Variants in MYO1C observed in about 807,000 individuals in gnomAD.
MYO1C encodes myosin IC, also known as unconventional myosin-Ic.
MYO1C carries 104 observed loss-of-function variants against 150.8 expected under a neutral mutation model. That is an observed-to-expected ratio of 0.69 (90% CI 0.59 to 0.81). The LOEUF (loss-of-function observed/expected upper bound fraction) is 0.81, where lower values mean the gene tolerates loss of function less well. Ranked by LOEUF, MYO1C falls within the 30% of genes least tolerant of loss-of-function variation. The pLI, the probability that MYO1C is intolerant of heterozygous loss-of-function variation, is 0.00. For synonymous variants in MYO1C, 663 were observed against 579.9 expected (o/e 1.14, Z -2.06); for missense variants, 1,504 against 1,435.0 (o/e 1.05, Z -0.78).
chr17:1,468,541 C>T (rs1195632010), intron 25 of MYO1C, 45 bp from the exon 26 acceptor site: 4 of 1,525,222 alleles, frequency 2.6e-6, no homozygotes, highest in African/African-American at 2.8e-5. Context: ...GTGGGGAGCA[C>T]CATCTTGGGG....
chr17:1,491,871 G>A (rs2074739421), intron 1 of MYO1C: 1 of 168,576 alleles, frequency 5.9e-6, no homozygotes, highest in Non-Finnish European at 1.2e-5. Context: ...CGAAGACCCG[G>A]CTCCCCGCCG....
intron 14 of MYO1C, 163 bp downstream of exon 14, chr17:1,477,342 T>A: frequency 1.5e-6 from 1 of 684,774 alleles, no homozygotes; most frequent in East Asian, 2.7e-5. Flanking sequence ...CATGCCTGGC[T>A]AAGCTTCTTA....
intron 17 of MYO1C, 88 bp downstream of exon 17, chr17:1,474,522 A>C: frequency 7.2e-7 from 1 of 1,392,012 alleles, no homozygotes; most frequent in Non-Finnish European, 1.0e-6. Context: ...ACGCGTTCAC[A>C]CGCACGCTGC....
intron 3 of MYO1C, among the ~76,000 whole-genome samples, 166 bp downstream of exon 3, chr17:1,483,444 C>T (rs537262274): frequency 1.1e-4 from 16 of 152,076 alleles, no homozygotes; most frequent in South Asian, 1.0e-3. Flanking sequence ...CCACATGGAG[C>T]TGAGTTGCGA....
intron 5 of MYO1C, among the ~76,000 whole-genome samples, chr17:1,481,881 CCT>C: frequency 6.6e-6 from 1 of 151,792 alleles, no homozygotes; most frequent in East Asian, 1.9e-4. Flanking sequence ...CACCGTTTGG[CCT>C]CTCTCTGTTC....
chr17:1,492,563 A>G lies in MYO1C; in HGVS notation c.-76T>C. 7.2e-7 allele frequency: 1 copy of G among 1,397,602 alleles called. No homozygotes were observed. The highest frequency in any genetic ancestry group is 1.4e-5 in the African/African-American group (1 of 70,016). The allele number at this position is 1,397,602 out of a possible 1,614,324, so 86.6% of individuals were successfully genotyped here. A position where few individuals can be genotyped will look rare whatever the true frequency, so the allele number is the denominator to read the frequency against. ...GCTGCCTGCCCACTGGCGGGCTCCG[A>G]CCACTCCGGGACCAGGAACCTACGG... On this transcript the variant is annotated 5_prime_UTR_variant, in exon 1 of 32. Transcript: ENST00000648651.
intron 17 of MYO1C, among the ~76,000 whole-genome samples, 174 bp downstream of exon 17, chr17:1,474,436 A>C (rs1461420230): frequency 6.6e-6 from 1 of 151,408 alleles, no homozygotes; most frequent in East Asian, 1.9e-4. Flanking sequence ...TCAAAAAAAA[A>C]AAAAAAAAAA....
rs2074435394 is a variant in MYO1C at position 1,478,021 on chromosome 17, C to G, written c.1402-50G>C. 6.2e-7 allele frequency: 1 copy of G among 1,612,028 alleles called. No homozygotes were observed. The highest frequency in any genetic ancestry group is 1.7e-5 in the Admixed American group (1 of 60,006). On this transcript the variant is annotated intron_variant, in intron 12 of 31. Coordinates refer to ENST00000648651, the MANE Select transcript of MYO1C (RefSeq NM_001080779.2). The surrounding 1 kb of genome is among the most constrained non-coding windows in gnomAD (Gnocchi z 6.3). The stretch of plus-strand genomic sequence containing the variant: ...GATCACCGTGGGGTCCTGGCACCCT[C>G]TCCCAGGGGCCCCGATACCCAGGCT...
Position 1,482,893 on chromosome 17 carries a change from C to T in MYO1C, c.514G>A (p.Asp172Asn), listed in dbSNP as rs1396652588. Residue 172 changes from aspartate to asparagine, a missense_variant, in exon 4 of 32, where the codon GAC (aspartate) becomes AAC (asparagine). Asp to Asn is a conservative substitution (Grantham distance 23, BLOSUM62 1). Coordinates refer to ENST00000648651, the MANE Select transcript of MYO1C (RefSeq NM_001080779.2). ...PAPERGGAVR[D>N]RLLQSNPVLE... ...ACCGGGTTGCTCTGTAGCAGCCGGT[C>T]CCGCACGGCACCTCCGCGCTCGGGG... 6.2e-7 allele frequency: 1 copy of T among 1,611,980 alleles called. No individual in the cohort carries two copies. Among genetic ancestry groups the T allele is most frequent in the African/African-American group, 1.3e-5 (1 of 74,938 alleles).
In MYO1C at chr17:1,480,777, C is replaced by T. The variant is rs764604910; in HGVS notation, c.736G>A (p.Gly246Arg). ...NFHIFYQLLE[G>R]GEEETLRRLG... ...CTGCGAAGAGTCTCCTCCTCGCCCC[C>T]CTCCAGCAGCTGGTAGAAGATGTGG... The change falls in exon 6 of 32, where the codon GGG (glycine) becomes AGG (arginine). Residue 246 changes from glycine (G) to arginine (R), a missense_variant. Transcript: ENST00000648651. 23 of 1,614,070 alleles carry T rather than the reference C, an allele frequency of 1.4e-5. No homozygotes were observed. In the East Asian group the frequency reaches 2.7e-4, roughly 19 times the overall value.
intron 17 of MYO1C, among the ~76,000 whole-genome samples, chr17:1,473,327 G>C (rs952280618): frequency 3.9e-5 from 6 of 152,162 alleles, no homozygotes; most frequent in African/African-American, 7.2e-5. Flanking sequence ...TGGGATCTAG[G>C]GTGCCCTGGG....
intron 2 of MYO1C, 78 bp downstream of exon 2, chr17:1,484,070 C>T: frequency 6.4e-7 from 1 of 1,562,824 alleles, no homozygotes; most frequent in Non-Finnish European, 8.7e-7. Flanking sequence ...ATCCCGGTGA[C>T]CCTTGGTGTC....
chr17:1,478,800 G>A lies in MYO1C; in HGVS notation c.1093-65C>T. The A allele has an allele frequency of 1.2e-6, 2 of 1,604,508 alleles. No individual in the cohort carries two copies. Among genetic ancestry groups the A allele is most frequent in the Non-Finnish European group, 1.7e-6 (2 of 1,179,456 alleles). On this transcript the variant is annotated intron_variant, in intron 9 of 31. Coordinates refer to ENST00000648651, the MANE Select transcript of MYO1C (RefSeq NM_001080779.2). This position sits in a 1 kb window ranked among gnomAD's most constrained non-coding sequence, Gnocchi z 6.3. ...AGCCTGTGCATCCCACCTGCTCCCAGGCTCAGGCAGACCAGGAAGCCGCCA... is the reference window on the plus strand; with the variant it reads ...AGCCTGTGCATCCCACCTGCTCCCAAGCTCAGGCAGACCAGGAAGCCGCCA...
chr17:1,476,844 G>T (rs370061157), intron 14 of MYO1C, among the ~76,000 whole-genome samples: 1,672 of 145,254 alleles, frequency 0.012, 42 homozygotes, highest in African/African-American at 0.04. Context: ...CTTGTTTTTT[G>T]TTTTTTTTTT....
At chr17:1,477,359 G>A (rs970387844) in intron 14 of MYO1C, 146 bp downstream of exon 14, 1 of 729,816 alleles carries the variant, frequency 1.4e-6, no homozygotes, top group African/African-American at 1.7e-5. Context: ...CTTAGTTTCT[G>A]GACACATGTG....
Position 1,479,331 on chromosome 17 carries a change from C to A in MYO1C, c.1092+100G>T. ...TCTGAGCAGCCTTCCTTCCATCCCT[C>A]CAGCATTGCTGAGGGAACCAGGCGA... is the stretch of plus-strand genomic sequence containing the variant. On this transcript the variant is annotated intron_variant, in intron 9 of 31. Transcript: ENST00000648651. This position sits in a 1 kb window ranked among gnomAD's most constrained non-coding sequence, Gnocchi z 4.2. 2.6e-6 allele frequency: 2 copies of A among 761,762 alleles called. No individual in the cohort carries two copies. Among genetic ancestry groups the A allele is most frequent in the Non-Finnish European group, 4.5e-6 (2 of 441,894 alleles). 47.2% of individuals were successfully genotyped at this position (761,762 alleles called of 1,614,324 possible).
chr17:1,475,931 C>G (rs540282352), intron 14 of MYO1C, among the ~76,000 whole-genome samples: 1 of 152,196 alleles, frequency 6.6e-6, no homozygotes, highest in Admixed American at 6.5e-5. Flanking sequence ...GATATTTACC[C>G]TGAGCCTTAT....
intron 7 of MYO1C, among the ~76,000 whole-genome samples, 173 bp downstream of exon 7, chr17:1,480,354 A>G (rs1197620087): frequency 6.6e-6 from 1 of 150,904 alleles, no homozygotes; most frequent in African/African-American, 2.4e-5. Flanking sequence ...AGGCTGAGGC[A>G]GGAGAATTGC....
In MYO1C at chr17:1,479,572, C is replaced by T. The variant is rs758716468; in HGVS notation, c.1020+20G>A. The stretch of plus-strand genomic sequence containing the variant: ...CCCGCCCCCGCCGTCCTCCCGTCGC[C>T]CTCTGCCCGCCCCACTCACCCTGGT... On this transcript the variant is annotated intron_variant, in intron 8 of 31. Transcript: ENST00000648651. The surrounding 1 kb of genome is among the most constrained non-coding windows in gnomAD (Gnocchi z 4.2). The T allele has an allele frequency of 1.9e-6, 3 of 1,589,690 alleles. No individual in the cohort carries two copies. Among genetic ancestry groups the T allele is most frequent in the Non-Finnish European group, 2.6e-6 (3 of 1,163,470 alleles).
Sources: gnomAD v4.1 joint callset for allele counts (sites outside exome capture counted in the v4.1 genomes callset) on GRCh38, gnomAD v4.1.1 for gene constraint, Gnocchi (gnomAD v3.1) non-coding constraint, MANE v1.5 for transcripts, NCBI Gene and HGNC (gene_info 2026-07-23, HGNC 2026-07-21) for gene names.